Variants in CCDC7 observed in about 807,000 individuals in gnomAD.
CCDC7 encodes the protein coiled-coil domain containing 7.
A neutral mutation model predicts 196.9 loss-of-function variants in CCDC7; 183 were observed. That is an observed-to-expected ratio of 0.93 (90% CI 0.82 to 1.05). The LOEUF is 1.05. Ranked by LOEUF, CCDC7 falls within the 50% of genes least tolerant of loss-of-function variation. CCDC7 has a pLI of 0.00. For missense variants in CCDC7, 1,540 were observed against 1,482.2 expected (o/e 1.04, Z -0.64); for synonymous variants, 525 against 484.6 (o/e 1.08, Z -1.10).
At chr10:32,736,246 A>C (rs1221554525) in intron 28 of CCDC7, among the ~76,000 whole-genome samples, 2 of 152,176 alleles carry the variant, frequency 1.3e-5, no homozygotes, top group African/African-American at 4.8e-5. Flanking sequence ...AACTGAGTTG[A>C]AAAGAACTGA....
At chr10:32,641,594 C>A (rs35824659) in intron 20 of CCDC7, among the ~76,000 whole-genome samples, 67,846 of 151,974 alleles carry the variant, frequency 0.45, 15,888 homozygotes, top group East Asian at 0.58. Context: ...GCAATGGGTT[C>A]GAACTTCCTC....
chr10:32,701,756 G>A (rs1289849449), intron 24 of CCDC7, among the ~76,000 whole-genome samples: 1 of 152,152 alleles, frequency 6.6e-6, no homozygotes, highest in Admixed American at 6.6e-5. Context: ...GAGGGTGTAT[G>A]TGTTGAGGAA....
At chr10:32,711,995 A>G (rs1308671655) in intron 25 of CCDC7, among the ~76,000 whole-genome samples, 1 of 152,222 alleles carries the variant, frequency 6.6e-6, no homozygotes, top group Non-Finnish European at 1.5e-5. Context: ...GTCTCACAAA[A>G]GATGGGTACC....
intron 29 of CCDC7, among the ~76,000 whole-genome samples, chr10:32,781,380 T>A (rs910658155): frequency 6.6e-6 from 1 of 152,284 alleles, no homozygotes. Flanking sequence ...ATATCCCTTA[T>A]GAATAATGAT....
At chr10:32,480,295 T>C (rs2039731359) in intron 8 of CCDC7, among the ~76,000 whole-genome samples, 1 of 152,030 alleles carries the variant, frequency 6.6e-6, no homozygotes, top group South Asian at 2.1e-4. Flanking sequence ...TTTGAGCTCT[T>C]TTGTCTTTTT....
At chr10:32,826,049 G>A (rs1328103364) in intron 32 of CCDC7, among the ~76,000 whole-genome samples, 2 of 152,176 alleles carry the variant, frequency 1.3e-5, no homozygotes, top group Non-Finnish European at 2.9e-5. Flanking sequence ...TGTCTGAGGA[G>A]ATAAACTCTG....
At position 32,764,944 on chromosome 10, in the gene CCDC7, G is replaced by A. The variant is rs138969583; in HGVS notation, c.2906-14033G>A. On this transcript the variant is annotated intron_variant, in intron 28 of 41. Coordinates refer to ENST00000639629, the Ensembl canonical transcript of CCDC7. ...AATAGTCTGACTTGAGATATCTATG[G>A]CATTGGCTAGTTGATAATTGTGTTT... Among the ~76,000 whole-genome samples the A allele has an allele frequency of 1.3e-5, 2 of 152,138 alleles. 1 individual carries two copies. Among genetic ancestry groups the A allele is most frequent in the Non-Finnish European group, 2.9e-5 (2 of 67,950 alleles).
upstream of CCDC7, among the ~76,000 whole-genome samples, chr10:32,443,485 A>T (rs183637229): frequency 2.6e-5 from 4 of 152,130 alleles, no homozygotes; most frequent in African/African-American, 9.7e-5. Flanking sequence ...ATTTAAATTA[A>T]CTTTCAGGTA....
intron 20 of CCDC7, among the ~76,000 whole-genome samples, chr10:32,655,075 G>A (rs2069537080): frequency 6.6e-6 from 1 of 152,132 alleles, no homozygotes; most frequent in African/African-American, 2.4e-5. Context: ...ATCTTTTCAG[G>A]AAGCTGGCAG....
intron 16 of CCDC7, among the ~76,000 whole-genome samples, chr10:32,573,401 A>C (rs2057813780): frequency 6.6e-6 from 1 of 152,204 alleles, no homozygotes; most frequent in African/African-American, 2.4e-5. Flanking sequence ...TAAATCTCAG[A>C]AAATAGAAAC....
At chr10:32,713,390 C>T (rs2081120106) in intron 25 of CCDC7, among the ~76,000 whole-genome samples, 1 of 152,190 alleles carries the variant, frequency 6.6e-6, no homozygotes. Flanking sequence ...TGTAGGTCCT[C>T]AGTTCCCCAC....
chr10:32,586,751 A>G (rs963215337), intron 18 of CCDC7, among the ~76,000 whole-genome samples: 1 of 152,190 alleles, frequency 6.6e-6, no homozygotes, highest in Non-Finnish European at 1.5e-5. Context: ...TTTTGGTACC[A>G]GTACCAAGCT....
At chr10:32,817,372 G>A (rs932524837) in intron 31 of CCDC7, among the ~76,000 whole-genome samples, 85 of 152,306 alleles carry the variant, frequency 5.6e-4, no homozygotes, top group African/African-American at 1.7e-3. Flanking sequence ...TGGTGTACCC[G>A]AAAGTGACAG....
intron 29 of CCDC7, among the ~76,000 whole-genome samples, chr10:32,784,297 G>A (rs2134404045): frequency 6.6e-6 from 1 of 152,002 alleles, no homozygotes; most frequent in East Asian, 1.9e-4. Flanking sequence ...GTGTTATGGT[G>A]GTTTGCTGAA....
rs115928971 is a variant in CCDC7, at chr10:32,764,440, G to A, written c.2906-14537G>A. On this transcript the variant is annotated intron_variant, in intron 28 of 41. Coordinates refer to ENST00000639629, the Ensembl canonical transcript of CCDC7. ...TAGATCACACCAAATTTATTGATAT[G>A]GTATAATTTATTTATCACTAAGCAG... is the stretch of plus-strand genomic sequence containing the variant. 7.5e-3 allele frequency among the ~76,000 whole-genome samples: 1,098 copies of A among 146,200 alleles called. 17 individuals are homozygous for A. Among genetic ancestry groups the A allele is most frequent in the African/African-American group, 0.024 (978 of 39,946 alleles).
At chr10:32,557,165 T>A (rs1171121016) in intron 13 of CCDC7, among the ~76,000 whole-genome samples, 1 of 152,166 alleles carries the variant, frequency 6.6e-6, no homozygotes, top group African/African-American at 2.4e-5. Context: ...TGTAAAGATA[T>A]TTTTTCTATT....
At chr10:32,496,475 A>G (rs1050856877) in intron 9 of CCDC7, among the ~76,000 whole-genome samples, 3 of 152,174 alleles carry the variant, frequency 2.0e-5, no homozygotes, top group African/African-American at 7.2e-5. Flanking sequence ...TTTCAAAGGA[A>G]TGCTTCCAGT....
intron 18 of CCDC7, among the ~76,000 whole-genome samples, chr10:32,590,517 A>G (rs1270902983): frequency 6.6e-6 from 1 of 152,074 alleles, no homozygotes; most frequent in Non-Finnish European, 1.5e-5. Flanking sequence ...AGAGTATTTT[A>G]CACATCACAA....
exon 20 of CCDC7, chr10:32,635,140 A>G (rs1434209612): frequency 7.5e-6 from 3 of 398,630 alleles, no homozygotes; most frequent in Non-Finnish European, 1.3e-5. Context: ...TAAAGCTACC[A>G]GAAATGAGAG....
Sources: allele counts gnomAD v4.1 joint callset (sites outside exome capture counted in the v4.1 genomes callset), GRCh38; gene constraint gnomAD v4.1.1; transcripts MANE v1.5; gene names NCBI Gene and HGNC (gene_info 2026-07-23, HGNC 2026-07-21).